ABCC6: variants seen among roughly 807,000 people sequenced by gnomAD.
ABCC6 encodes ATP binding cassette subfamily C member 6, also known as ATP-binding cassette sub-family C member 6.
Under a neutral mutation model 169.5 loss-of-function variants are expected in ABCC6, and 126 were observed. The observed-to-expected ratio is 0.74, with a 90% CI of 0.64 to 0.86. The LOEUF is 0.86. Among genes scored for constraint, ABCC6 ranks in the 40% least tolerant of loss-of-function variants. The probability of loss-of-function intolerance (pLI) is 0.00; values close to 1 mark genes in which losing one functional copy is unlikely to be tolerated. For synonymous variants in ABCC6, 752 were observed against 814.7 expected (o/e 0.92, Z 1.31); for missense variants, 1,733 against 1,927.2 (o/e 0.90, Z 1.89).
At chr16:16,191,763 T>TCCCTCCCTCCTTTTCTCTCCTTC (rs2047865984) in intron 11 of ABCC6, among the ~76,000 whole-genome samples, 1 of 149,940 alleles carries the variant, frequency 6.7e-6, no homozygotes, top group African/African-American at 2.5e-5. Context: ...TATCTTTCCT[T>TCCCTCCCTCCTTTTCTCTCCTTC]CCCTCCCTCC....
intron 8 of ABCC6, among the ~76,000 whole-genome samples, chr16:16,202,811 G>A (rs1042983447): frequency 1.3e-5 from 2 of 152,176 alleles, no homozygotes; most frequent in African/African-American, 4.8e-5. Flanking sequence ...TATGTCAGCT[G>A]AGCAGACACC....
chr16:16,154,845 C>T (rs759717857), intron 28 of ABCC6, 28 bp downstream of exon 28: 2 of 1,610,960 alleles, frequency 1.2e-6, no homozygotes, highest in Non-Finnish European at 1.7e-6. Context: ...TGCCTCCCAT[C>T]TTTGCCCACC....
chr16:16,188,770 T>A, intron 13 of ABCC6, 61 bp downstream of exon 13: 1 of 1,571,298 alleles, frequency 6.4e-7, no homozygotes. Context: ...GTAGGGAAGC[T>A]GGAGCCAGGT....
chr16:16,207,211 G>A (rs2048419848), intron 7 of ABCC6, among the ~76,000 whole-genome samples: 1 of 152,164 alleles, frequency 6.6e-6, no homozygotes, highest in Non-Finnish European at 1.5e-5. Context: ...CTTCCTTTGT[G>A]GGAACAGCCC....
intron 2 of ABCC6, 146 bp downstream of exon 2, chr16:16,221,503 C>A: frequency 2.0e-6 from 3 of 1,482,722 alleles, no homozygotes; most frequent in Middle Eastern, 2.1e-4. Flanking sequence ...ACCTCTGTAG[C>A]CTTTCTAATA....
intron 23 of ABCC6, among the ~76,000 whole-genome samples, chr16:16,163,929 A>G (rs949123065): frequency 1.3e-5 from 2 of 152,184 alleles, no homozygotes; most frequent in African/African-American, 4.8e-5. Flanking sequence ...ATTTAAACCC[A>G]TCTTTGCTTG....
intron 15 of ABCC6, 79 bp downstream of exon 15, chr16:16,184,880 T>C: frequency 4.1e-6 from 6 of 1,461,396 alleles, no homozygotes; most frequent in Non-Finnish European, 5.8e-6. Context: ...ACACCACCTC[T>C]CAGGTGGGAG....
rs2046341285 is a variant in ABCC6, at chr16:16,149,930, G to A, written c.*203C>T. ...GACAGGGCGAGATGGGCCCTGCCCG[G>A]GCAGACCTGTGTATTGCTAGGTCCT... On this transcript the variant is annotated 3_prime_UTR_variant, in exon 31 of 31. Transcript: ENST00000205557. 5.3e-6 allele frequency: 4 copies of A among 757,796 alleles called. No individual in the cohort carries two copies. In the South Asian group the frequency reaches 6.6e-5, roughly 13 times the overall value. The allele number at this position is 757,796 out of a possible 1,614,324, so 46.9% of individuals were successfully genotyped here. A position where few individuals can be genotyped will look rare whatever the true frequency, so the allele number is the denominator to read the frequency against.
intron 6 of ABCC6, among the ~76,000 whole-genome samples, chr16:16,209,446 G>A (rs2048518890): frequency 2.0e-5 from 3 of 152,152 alleles, no homozygotes; most frequent in African/African-American, 7.2e-5. Context: ...CTATTTTACA[G>A]ATGGGGAAGG....
intron 7 of ABCC6, among the ~76,000 whole-genome samples, chr16:16,203,865 C>T (rs1321021190): frequency 6.6e-6 from 1 of 152,028 alleles, no homozygotes; most frequent in African/African-American, 2.4e-5. Context: ...CTGTTGAGCA[C>T]CTACTATGTG....
At chr16:16,154,315 G>A (rs117978451) in intron 29 of ABCC6, among the ~76,000 whole-genome samples, 19 of 152,082 alleles carry the variant, frequency 1.2e-4, no homozygotes, top group South Asian at 6.2e-4. Context: ...GTTACCACCC[G>A]ATATCAAACA....
intron 17 of ABCC6, among the ~76,000 whole-genome samples, chr16:16,180,838 G>A (rs75143325): frequency 0.019 from 2,940 of 152,170 alleles, 32 homozygotes; most frequent in South Asian, 0.041. Context: ...CCACTGCCTC[G>A]TTATCATAAA....
chr16:16,154,514 T>C (rs921154132), intron 29 of ABCC6, 114 bp downstream of exon 29: 3 of 1,315,168 alleles, frequency 2.3e-6, no homozygotes, highest in African/African-American at 1.5e-5. Flanking sequence ...TGGTTATTAA[T>C]GTAACAGAGT....
chr16:16,166,051 T>A lies in ABCC6; in HGVS notation c.2996-118A>T, dbSNP rs2046864605. ...TGGACATCTTATGGCTTGGCCACCC[T>A]GATTATTATATTTTTTTGAGACAGG... On this transcript the variant is annotated intron_variant, in intron 22 of 30. Transcript: ENST00000205557. 2.9e-6 allele frequency: 3 copies of A among 1,017,716 alleles called. No individual in the cohort carries two copies. In the East Asian group the frequency reaches 7.8e-5, roughly 27 times the overall value. 63.0% of individuals were successfully genotyped at this position (1,017,716 alleles called of 1,614,324 possible). A position where few individuals can be genotyped will look rare whatever the true frequency, so the allele number is the denominator to read the frequency against.
At chr16:16,210,619 G>A (rs895396267) in intron 6 of ABCC6, among the ~76,000 whole-genome samples, 5 of 152,112 alleles carry the variant, frequency 3.3e-5, no homozygotes, top group African/African-American at 7.2e-5. Context: ...CAGTTTATTC[G>A]AGTAAAAAAA....
In ABCC6 at chr16:16,155,254, T is replaced by C. The variant is rs1293239474; in HGVS notation, c.3883-223A>G. 3 of 607,028 alleles carry C rather than the reference T, an allele frequency of 4.9e-6. No individual in the cohort carries two copies. In the East Asian group the frequency reaches 8.4e-5, roughly 17 times the overall value. 37.6% of individuals were successfully genotyped at this position (607,028 alleles called of 1,614,324 possible). A position where few individuals can be genotyped will look rare whatever the true frequency, so the allele number is the denominator to read the frequency against. ...TCTATCTTTCCCTTATCCTGATATC[T>C]CTCTCCCATCTTTCTCCCCACCCTT... On this transcript the variant is annotated intron_variant, in intron 27 of 30. Coordinates refer to ENST00000205557, the MANE Select transcript of ABCC6 (RefSeq NM_001171.6).
rs144565043 is a variant in ABCC6, at chr16:16,163,443, C to T, written c.3307-251G>A. 4.8e-3 allele frequency among the ~76,000 whole-genome samples: 728 copies of T among 152,248 alleles called. 10 individuals are homozygous for T. The highest frequency in any genetic ancestry group is 0.032 in the East Asian group (166 of 5,182). ...ATGCCCCACCCCAGAATGACTGAAT[C>T]GGAATCTCTGGAAATGTCACCTTGA... On this transcript the variant is annotated intron_variant, in intron 23 of 30. Coordinates refer to ENST00000205557, the MANE Select transcript of ABCC6 (RefSeq NM_001171.6).
rs61480102 is a variant in ABCC6 at position 16,188,984 on chromosome 16, G to C, written c.1636-10C>G. On this transcript the variant is annotated splice_polypyrimidine_tract_variant and intron_variant, in intron 12 of 30. Coordinates refer to ENST00000205557, the MANE Select transcript of ABCC6 (RefSeq NM_001171.6). ...ACACCACCAGTGCGACCTGGGGGGT[G>C]GGGGGGACACGTGGGGCAACAGTGA... The C allele has an allele frequency of 1.7e-5, 27 of 1,612,498 alleles. No homozygotes were observed. Among genetic ancestry groups the C allele is most frequent in the East Asian group, 2.2e-5 (1 of 44,862 alleles).
intron 2 of ABCC6, 167 bp downstream of exon 2, chr16:16,221,482 C>A: frequency 2.7e-6 from 4 of 1,462,898 alleles, no homozygotes; most frequent in South Asian, 1.4e-5. Flanking sequence ...GAACCGTGTT[C>A]CACTGAGTTG....
Sources: allele counts gnomAD v4.1 joint callset (sites outside exome capture counted in the v4.1 genomes callset), GRCh38; gene constraint gnomAD v4.1.1; transcripts MANE v1.5; gene names NCBI Gene and HGNC (gene_info 2026-07-23, HGNC 2026-07-21).